Variants in PELI2 observed in about 807,000 individuals in gnomAD.
PELI2 encodes E3 ubiquitin-protein ligase pellino homolog 2.
In PELI2, 23 loss-of-function variants were observed where a neutral mutation model predicts 42.3. The observed-to-expected ratio is 0.54, with a 90% CI of 0.39 to 0.77. The LOEUF is 0.77. Ranked by LOEUF, PELI2 falls within the 30% of genes least tolerant of loss-of-function variation. The probability of loss-of-function intolerance (pLI) is 0.00; values close to 1 mark genes in which losing one functional copy is unlikely to be tolerated. For synonymous variants in PELI2, 245 were observed against 212.2 expected (o/e 1.15, Z -1.34); for missense variants, 463 against 553.2 (o/e 0.84, Z 1.64).
intron 5 of PELI2, among the ~76,000 whole-genome samples, chr14:56,295,120 C>T (rs1373832007): frequency 1.3e-5 from 2 of 152,176 alleles, no homozygotes; most frequent in Non-Finnish European, 2.9e-5. Flanking sequence ...GTGCCTCTGT[C>T]TCTTGCCACT....
At chr14:56,159,297 A>G (rs1156717134) in intron 1 of PELI2, among the ~76,000 whole-genome samples, 1 of 152,164 alleles carries the variant, frequency 6.6e-6, no homozygotes, top group African/African-American at 2.4e-5. Context: ...GTCTTCTCCA[A>G]GTGTCTCTCA....
chr14:56,118,776 G>A (rs1447635918), intron 1 of PELI2, 39 bp downstream of exon 1: 1 of 1,370,390 alleles, frequency 7.3e-7, no homozygotes, highest in Non-Finnish European at 9.8e-7. Flanking sequence ...AGCGGCGCGG[G>A]CGGGGAGCGC....
intron 2 of PELI2, among the ~76,000 whole-genome samples, chr14:56,265,835 T>C (rs1452044346): frequency 6.6e-6 from 1 of 152,030 alleles, no homozygotes; most frequent in Non-Finnish European, 1.5e-5. Context: ...TATTTACATA[T>C]GAAAATATTA....
At chr14:56,223,923 C>CA (rs543522448) in intron 2 of PELI2, among the ~76,000 whole-genome samples, 59 of 152,260 alleles carry the variant, frequency 3.9e-4, no homozygotes, top group Middle Eastern at 3.4e-3. Context: ...ATCCAGCACC[C>CA]ATTTTGGCAA....
At chr14:56,173,122 C>G (rs1227845282) in intron 1 of PELI2, among the ~76,000 whole-genome samples, 1 of 152,172 alleles carries the variant, frequency 6.6e-6, no homozygotes, top group Non-Finnish European at 1.5e-5. Flanking sequence ...CTTCAGTTGC[C>G]TCCTCCATGC....
chr14:56,201,330 C>T (rs960530897), intron 2 of PELI2, among the ~76,000 whole-genome samples: 2 of 152,130 alleles, frequency 1.3e-5, no homozygotes, highest in African/African-American at 2.4e-5. Flanking sequence ...CAGATTTTTT[C>T]ACTTAAGTAG....
At chr14:56,236,316 C>CT (rs1887792397) in intron 2 of PELI2, among the ~76,000 whole-genome samples, 1 of 152,080 alleles carries the variant, frequency 6.6e-6, no homozygotes, top group Non-Finnish European at 1.5e-5. Context: ...TCATGAATAC[C>CT]TGGAGGAGGC....
intron 2 of PELI2, among the ~76,000 whole-genome samples, chr14:56,202,957 C>T (rs1886386356): frequency 6.6e-6 from 1 of 151,928 alleles, no homozygotes; most frequent in Non-Finnish European, 1.5e-5. Flanking sequence ...GTAGAACAAC[C>T]AAATGCAGTG....
At chr14:56,282,889 G>A (rs1889526346) in intron 3 of PELI2, among the ~76,000 whole-genome samples, 1 of 151,876 alleles carries the variant, frequency 6.6e-6, no homozygotes, top group African/African-American at 2.4e-5. Flanking sequence ...ACTTACAGTA[G>A]CAGTGAAGAT....
At chr14:56,250,820 T>C (rs1010746831) in intron 2 of PELI2, among the ~76,000 whole-genome samples, 1 of 152,150 alleles carries the variant, frequency 6.6e-6, no homozygotes, top group African/African-American at 2.4e-5. Flanking sequence ...AACAATACTT[T>C]GCATCCTTCA....
chr14:56,220,734 A>G (rs922069592), intron 2 of PELI2, among the ~76,000 whole-genome samples: 10 of 152,288 alleles, frequency 6.6e-5, no homozygotes, highest in South Asian at 2.1e-4. Context: ...TGCATAACCA[A>G]TGGTTAGAGA....
Position 56,286,474 on chromosome 14 carries a change from T to A in PELI2, c.310-1963T>A, listed in dbSNP as rs965169446. On this transcript the variant is annotated intron_variant, in intron 3 of 5. Coordinates refer to ENST00000267460, the MANE Select transcript of PELI2 (RefSeq NM_021255.3). ...CCAAACTTTTCTTATATATATAAAA[T>A]TTAACATGCTGAATGGAGCAAAGTT... Among the ~76,000 whole-genome samples the A allele has an allele frequency of 1.4e-4, 21 of 152,288 alleles. 1 individual carries two copies. The highest frequency in any genetic ancestry group is 8.5e-4 in the Admixed American group (13 of 15,296).
chr14:56,187,439 G>T (rs1885806136), intron 2 of PELI2, among the ~76,000 whole-genome samples: 2 of 152,244 alleles, frequency 1.3e-5, no homozygotes, highest in African/African-American at 4.8e-5. Flanking sequence ...AATAATGGAG[G>T]CTTGACTTTT....
Position 56,279,709 on chromosome 14 carries a change from T to C in PELI2, c.241T>C (p.Tyr81His). 6.2e-7 allele frequency: 1 copy of C among 1,603,176 alleles called. No homozygotes were observed. The highest frequency in any genetic ancestry group is 2.2e-5 in the East Asian group (1 of 44,732). The change falls in exon 3 of 6, where the codon TAC becomes CAC. Residue 81 changes from tyrosine to histidine, a missense_variant. This residue lies in a region of PELI2 where 343 missense variants were observed against 378.4 expected (regional missense o/e 0.91). Coordinates refer to ENST00000267460, the MANE Select transcript of PELI2 (RefSeq NM_021255.3). ...ISCKGQHSIS[Y>H]TLSRNQTVVV... ...CTGCAAAGGTCAACACAGTATATCC[T>C]ACACTTTGTCAAGGAATCAGACTGT...
chr14:56,140,815 G>A (rs955120430), intron 1 of PELI2, among the ~76,000 whole-genome samples: 1 of 152,170 alleles, frequency 6.6e-6, no homozygotes, highest in Admixed American at 6.5e-5. Flanking sequence ...TGGGCAAGTT[G>A]GGGGGTGACT....
At chr14:56,276,627 C>A (rs952336289) in intron 2 of PELI2, among the ~76,000 whole-genome samples, 2 of 152,154 alleles carry the variant, frequency 1.3e-5, no homozygotes, top group African/African-American at 2.4e-5. Context: ...TACCTGCTGC[C>A]CCGGAGCCAC....
intron 2 of PELI2, among the ~76,000 whole-genome samples, chr14:56,276,390 G>A (rs900268815): frequency 6.6e-6 from 1 of 152,110 alleles, no homozygotes; most frequent in East Asian, 1.9e-4. Flanking sequence ...TCCCAGTCCT[G>A]GCTTTAGTCT....
chr14:56,291,985 A>G (rs1889845170), intron 5 of PELI2, among the ~76,000 whole-genome samples: 1 of 152,204 alleles, frequency 6.6e-6, no homozygotes. Flanking sequence ...TCCCTGGGTG[A>G]GTATAAAGCA....
At chr14:56,178,160 A>G (rs1885450562) in intron 1 of PELI2, among the ~76,000 whole-genome samples, 175 bp from the exon 2 acceptor site, 1 of 152,232 alleles carries the variant, frequency 6.6e-6, no homozygotes, top group Admixed American at 6.5e-5. Context: ...CCTAGAAGTG[A>G]TTTGAATTTC....
Sources: allele counts gnomAD v4.1 joint callset (sites outside exome capture counted in the v4.1 genomes callset), GRCh38; gene constraint gnomAD v4.1.1; regional missense constraint gnomAD v4.1.1; transcripts MANE v1.5; gene names NCBI Gene and HGNC (gene_info 2026-07-23, HGNC 2026-07-21).